FHIP2A: variants seen among roughly 807,000 people sequenced by gnomAD.
FHIP2A encodes the protein family with sequence similarity 160 member B1.
Under a neutral mutation model 93.5 loss-of-function variants are expected in FHIP2A, and 46 were observed. The ratio of observed to expected loss-of-function variants is 0.49; its 90% CI spans 0.39 to 0.63. FHIP2A has a LOEUF of 0.63. Among genes scored for constraint, FHIP2A ranks in the 20% least tolerant of loss-of-function variants. FHIP2A has a pLI of 0.00. For missense variants in FHIP2A, 769 were observed against 909.7 expected (o/e 0.85, Z 1.99); for synonymous variants, 332 against 326.5 (o/e 1.02, Z -0.18).
chr10:114,830,417 C>T (rs1056317902), intron 1 of FHIP2A, among the ~76,000 whole-genome samples: 13 of 151,824 alleles, frequency 8.6e-5, no homozygotes, highest in Admixed American at 7.9e-4. Flanking sequence ...GGACTACAGG[C>T]GCACGGCACC....
In FHIP2A at chr10:114,833,557, T is replaced by C. The variant is rs556498628; in HGVS notation, c.294+155T>C. The stretch of plus-strand genomic sequence containing the variant: ...AGAAAAAAGAAAATTGTGTAGCCTA[T>C]ACAAATATGTCCATAGAGATAGAAA... On this transcript the variant is annotated intron_variant, in intron 3 of 16. Transcript: ENST00000369248. 2.4e-4 allele frequency: 159 copies of C among 660,042 alleles called. No homozygotes were observed. The South Asian group carries it at 3.0e-3, about 13-fold the overall frequency. The allele number at this position is 660,042 out of a possible 1,614,324, so 40.9% of individuals were successfully genotyped here.
chr10:114,840,339 G>A (rs919132261), intron 5 of FHIP2A, among the ~76,000 whole-genome samples: 7 of 152,260 alleles, frequency 4.6e-5, no homozygotes, highest in African/African-American at 1.7e-4. Flanking sequence ...ATTAAGATGT[G>A]TGGCAAGAAG....
intron 12 of FHIP2A, among the ~76,000 whole-genome samples, chr10:114,847,439 C>T (rs887683672): frequency 6.6e-6 from 1 of 151,624 alleles, no homozygotes; most frequent in African/African-American, 2.4e-5. Flanking sequence ...CAGGCTCCTG[C>T]CACGTCACCC....
At chr10:114,851,254 T>C (rs1258067082) in intron 13 of FHIP2A, among the ~76,000 whole-genome samples, 1 of 152,178 alleles carries the variant, frequency 6.6e-6, no homozygotes, top group Non-Finnish European at 1.5e-5. Context: ...TAACTATTTT[T>C]TCTTCATGCT....
chr10:114,848,726 G>A lies in FHIP2A; in HGVS notation c.1792G>A (p.Ala598Thr), dbSNP rs1313301138. ...GTGYDTYLRDAHRQFRDYCAI... is the reference protein window; with the variant it reads ...GTGYDTYLRDTHRQFRDYCAI... ...AGGATATGACACTTACCTCCGAGAC[G>A]CTCATAGGCAGGTAGGTGAAGTCAC... The change falls in exon 13 of 17, where the codon GCT becomes ACT. Residue 598 changes from alanine (A) to threonine (T), a missense_variant. Ala to Thr is a moderately conservative substitution (Grantham distance 58). Coordinates refer to ENST00000369248, the MANE Select transcript of FHIP2A (RefSeq NM_020940.4). 5 of 1,609,690 alleles carry A rather than the reference G, an allele frequency of 3.1e-6. No individual in the cohort carries two copies. Among genetic ancestry groups the A allele is most frequent in the South Asian group, 1.1e-5 (1 of 90,884 alleles).
intron 13 of FHIP2A, among the ~76,000 whole-genome samples, chr10:114,849,286 C>A (rs568237124): frequency 2.6e-5 from 4 of 152,080 alleles, no homozygotes; most frequent in Admixed American, 1.3e-4. Flanking sequence ...ATATCTCACC[C>A]GGATCCATTT....
At chr10:114,867,220 A>AAAAG (rs1175487762), downstream of FHIP2A, among the ~76,000 whole-genome samples, 1 of 151,838 alleles carries the variant, frequency 6.6e-6, no homozygotes. Context: ...AAAAAAAAAA[A>AAAAG]AAAGAAGTTA....
intron 16 of FHIP2A, among the ~76,000 whole-genome samples, chr10:114,881,805 G>A (rs377477426): frequency 3.0e-4 from 45 of 152,158 alleles, no homozygotes; most frequent in African/African-American, 9.9e-4. Context: ...TGCTAGACTC[G>A]CTCTCCCTAC....
chr10:114,837,117 T>G (rs2083640694), intron 5 of FHIP2A, among the ~76,000 whole-genome samples: 1 of 152,082 alleles, frequency 6.6e-6, no homozygotes, highest in Non-Finnish European at 1.5e-5. Context: ...TTGTCCGGGC[T>G]GGTCTGGAAC....
In FHIP2A at chr10:114,845,497, T is replaced by C. The variant is rs769545763; in HGVS notation, c.1128+16T>C. 1 of 1,479,860 alleles carries C rather than the reference T, an allele frequency of 6.8e-7. No individual in the cohort carries two copies. The highest frequency in any genetic ancestry group is 9.4e-7 in the Non-Finnish European group (1 of 1,065,810). 91.7% of individuals were successfully genotyped at this position (1,479,860 alleles called of 1,614,324 possible). On this transcript the variant is annotated intron_variant, in intron 8 of 16. Coordinates refer to ENST00000369248, the MANE Select transcript of FHIP2A (RefSeq NM_020940.4). ...AGCCCAAAAGGTTTGTAATTTTTTA[T>C]TGTTTTTTGATCATTTTAAGATATA... is the stretch of plus-strand genomic sequence containing the variant.
At chr10:114,844,541 A>G (rs73367363) in intron 7 of FHIP2A, among the ~76,000 whole-genome samples, 11,077 of 151,878 alleles carry the variant, frequency 0.073, 814 homozygotes, top group African/African-American at 0.17. Context: ...TTTCCACTCT[A>G]TTTTCTGTCA....
chr10:114,833,773 C>T (rs10490909), intron 3 of FHIP2A, among the ~76,000 whole-genome samples: 63,963 of 151,992 alleles, frequency 0.42, 13,899 homozygotes, highest in Non-Finnish European at 0.48. Flanking sequence ...ATGATTTTGA[C>T]ACTAACTAAA....
At chr10:114,873,317 G>A (rs1321459096) in intron 16 of FHIP2A, among the ~76,000 whole-genome samples, 3 of 152,210 alleles carry the variant, frequency 2.0e-5, no homozygotes, top group East Asian at 1.9e-4. Context: ...GGATGTTACA[G>A]AGGAGGAATA....
At chr10:114,870,350 G>T (rs1054362240) in intron 16 of FHIP2A, among the ~76,000 whole-genome samples, 2 of 151,834 alleles carry the variant, frequency 1.3e-5, no homozygotes, top group Admixed American at 6.6e-5. Context: ...CATGGAAGCT[G>T]ATCCCTGCCT....
chr10:114,870,182 A>C (rs2083850160), intron 16 of FHIP2A, among the ~76,000 whole-genome samples: 2 of 152,250 alleles, frequency 1.3e-5, no homozygotes, highest in African/African-American at 4.8e-5. Flanking sequence ...CATTCAACTA[A>C]TACCATTAAC....
chr10:114,882,295 T>A (rs2083920954), intron 16 of FHIP2A, among the ~76,000 whole-genome samples: 1 of 151,766 alleles, frequency 6.6e-6, no homozygotes, highest in Admixed American at 6.6e-5. Flanking sequence ...GCCACAGGAG[T>A]CTCTTGTGGC....
At chr10:114,885,371 C>T (rs1377859136) in intron 16 of FHIP2A, among the ~76,000 whole-genome samples, 1 of 145,826 alleles carries the variant, frequency 6.9e-6, no homozygotes, top group African/African-American at 2.5e-5. Context: ...CTCCAGCCTG[C>T]ACAACAAGAG....
In FHIP2A at chr10:114,846,296, A is replaced by T; in HGVS notation, c.1327A>T (p.Thr443Ser). 6.2e-7 allele frequency: 1 copy of T among 1,614,156 alleles called. No homozygotes were observed. The highest frequency in any genetic ancestry group is 1.1e-5 in the South Asian group (1 of 91,080). Residue 443 changes from threonine to serine, a missense_variant, in exon 10 of 17, where the codon ACT becomes TCT. Transcript: ENST00000369248. ...CCTTGGAGAACAGAGGGAACCAGAA[A>T]CTCTGGCAGAAATCAGCAGACATCC... ...FILGEQREPE[T>S]LAEISRHPLR...
chr10:114,821,902 G>T lies in FHIP2A; in HGVS notation c.-177G>T, dbSNP rs181836930. Reference sequence around the variant, plus strand: ...CGGCGCCCTCCGGAGCCGCCGAGCCGCCCGCGCACACCTGAAGCGGCCGGG... The same window carrying T: ...CGGCGCCCTCCGGAGCCGCCGAGCCTCCCGCGCACACCTGAAGCGGCCGGG... On this transcript the variant is annotated 5_prime_UTR_variant, in exon 1 of 17. Coordinates refer to ENST00000369248, the MANE Select transcript of FHIP2A (RefSeq NM_020940.4). 785 of 316,828 alleles carry T rather than the reference G, an allele frequency of 2.5e-3. 3 individuals are homozygous for T. The highest frequency in any genetic ancestry group is 0.016 in the African/African-American group (732 of 45,422). The allele number at this position is 316,828 out of a possible 1,614,324, so 19.6% of individuals were successfully genotyped here.
Sources: gnomAD v4.1 joint callset for allele counts (sites outside exome capture counted in the v4.1 genomes callset) on GRCh38, gnomAD v4.1.1 for gene constraint, MANE v1.5 for transcripts, NCBI Gene and HGNC (gene_info 2026-07-23, HGNC 2026-07-21) for gene names.